DTNB: variants seen among roughly 807,000 people sequenced by gnomAD.
DTNB encodes DTN-B.
A neutral mutation model predicts 90.7 loss-of-function variants in DTNB; 63 were observed. The ratio of observed to expected loss-of-function variants is 0.69; its 90% CI spans 0.57 to 0.86. DTNB has a LOEUF of 0.86. DTNB is among the 40% of genes least tolerant of loss of function. The pLI is 0.00. For missense variants in DTNB, 744 were observed against 807.1 expected, an observed-to-expected ratio of 0.92 and a Z score of 0.95; for synonymous variants, 277 against 286.7, an observed-to-expected ratio of 0.97 and a Z score of 0.34.
chr2:25,526,233 A>G (rs1319601506), intron 9 of DTNB, among the ~76,000 whole-genome samples: 1 of 151,578 alleles, frequency 6.6e-6, no homozygotes, highest in African/African-American at 2.4e-5. Flanking sequence ...ATGCAGCTCC[A>G]TGGGGGAAAC....
intron 2 of DTNB, among the ~76,000 whole-genome samples, chr2:25,647,791 G>A (rs2079842842): frequency 6.7e-6 from 1 of 149,420 alleles, no homozygotes; most frequent in African/African-American, 2.5e-5. Flanking sequence ...AGGAAATAGA[G>A]AACTGATTAT....
intron 9 of DTNB, among the ~76,000 whole-genome samples, chr2:25,493,382 C>A (rs562972396): frequency 2.0e-5 from 3 of 152,272 alleles, no homozygotes; most frequent in East Asian, 1.9e-4. Context: ...TTGAATCAGA[C>A]CTTTTTCTTC....
At chr2:25,625,803 C>T (rs2074012510) in intron 4 of DTNB, among the ~76,000 whole-genome samples, 1 of 152,056 alleles carries the variant, frequency 6.6e-6, no homozygotes, top group African/African-American at 2.4e-5. Flanking sequence ...CTGTGTTCCC[C>T]AAAATTCACA....
intron 1 of DTNB, among the ~76,000 whole-genome samples, chr2:25,671,853 AG>A (rs1447626681): frequency 1.3e-5 from 2 of 152,224 alleles, no homozygotes; most frequent in Non-Finnish European, 2.9e-5. Context: ...CTGGAGCTCC[AG>A]AGTTCAGAGA....
chr2:25,545,398 C>A (rs1269668939), intron 8 of DTNB, among the ~76,000 whole-genome samples: 1 of 152,180 alleles, frequency 6.6e-6, no homozygotes, highest in Non-Finnish European at 1.5e-5. Flanking sequence ...AATAAGCTCA[C>A]CCTTAGCAGG....
chr2:25,650,532 G>T (rs745949163), intron 2 of DTNB, among the ~76,000 whole-genome samples: 1 of 152,228 alleles, frequency 6.6e-6, no homozygotes, highest in Non-Finnish European at 1.5e-5. Context: ...AACACGCAAG[G>T]CATGTGATGG....
chr2:25,555,266 G>A (rs1010215167), intron 8 of DTNB, among the ~76,000 whole-genome samples: 1 of 147,570 alleles, frequency 6.8e-6, no homozygotes, highest in African/African-American at 2.5e-5. Flanking sequence ...ACTCCAGCCT[G>A]GGCGACAGAG....
intron 14 of DTNB, 21 bp downstream of exon 14, chr2:25,432,865 T>C (rs375265325): frequency 4.4e-5 from 69 of 1,574,958 alleles, no homozygotes; most frequent in Non-Finnish European, 5.0e-5. Flanking sequence ...ATGTGGCAAG[T>C]GGTAGAGTGT....
chr2:25,498,691 T>C (rs2069614951), intron 9 of DTNB, among the ~76,000 whole-genome samples: 1 of 148,598 alleles, frequency 6.7e-6, no homozygotes, highest in African/African-American at 2.5e-5. Flanking sequence ...ACAAAAGAAA[T>C]ACAAAAATTA....
At chr2:25,553,265 A>G (rs1457046653) in intron 8 of DTNB, among the ~76,000 whole-genome samples, 1 of 152,182 alleles carries the variant, frequency 6.6e-6, no homozygotes, top group Non-Finnish European at 1.5e-5. Flanking sequence ...TCACTCAACC[A>G]ATATGTTATT....
chr2:25,469,230 G>C (rs1244573528), intron 10 of DTNB, among the ~76,000 whole-genome samples: 1 of 152,128 alleles, frequency 6.6e-6, no homozygotes, highest in African/African-American at 2.4e-5. Context: ...GTTGAAACTT[G>C]GGTGATAAAC....
intron 3 of DTNB, among the ~76,000 whole-genome samples, chr2:25,638,472 T>G (rs2077548265): frequency 1.3e-5 from 2 of 152,188 alleles, no homozygotes; most frequent in South Asian, 4.1e-4. Flanking sequence ...AAAAGTACAA[T>G]AATTCTGTCA....
chr2:25,649,972 T>A, intron 2 of DTNB: 1 of 975,002 alleles, frequency 1.0e-6, no homozygotes, highest in Non-Finnish European at 1.2e-6. Flanking sequence ...TAGTCACCCA[T>A]GCAATTCTTC....
chr2:25,443,675 A>C (rs1452977019), intron 12 of DTNB, among the ~76,000 whole-genome samples: 1 of 152,212 alleles, frequency 6.6e-6, no homozygotes, highest in African/African-American at 2.4e-5. Context: ...TCAAAAATCC[A>C]ATCTGCTGTT....
intron 8 of DTNB, among the ~76,000 whole-genome samples, chr2:25,573,706 T>G (rs945597545): frequency 4.6e-5 from 7 of 152,198 alleles, no homozygotes; most frequent in African/African-American, 1.7e-4. Context: ...ATTTACCAAA[T>G]TGGTTACCAC....
intron 4 of DTNB, among the ~76,000 whole-genome samples, chr2:25,610,404 AAAGT>A (rs145669720): frequency 0.021 from 3,251 of 152,340 alleles, 111 homozygotes; most frequent in African/African-American, 0.072. Context: ...GTGCCAGGAA[AAAGT>A]AAGTAATCTC....
At chr2:25,514,175 T>G (rs1231308857) in intron 9 of DTNB, among the ~76,000 whole-genome samples, 1 of 151,956 alleles carries the variant, frequency 6.6e-6, no homozygotes, top group Non-Finnish European at 1.5e-5. Flanking sequence ...GATAAAAAAG[T>G]TACAGAAAGT....
intron 9 of DTNB, among the ~76,000 whole-genome samples, chr2:25,484,787 G>A (rs905458822): frequency 6.6e-6 from 1 of 152,142 alleles, no homozygotes; most frequent in African/African-American, 2.4e-5. Flanking sequence ...TCAATTCCAA[G>A]TTATTTATCT....
intron 9 of DTNB, among the ~76,000 whole-genome samples, chr2:25,499,008 G>A (rs1474801688): frequency 6.6e-6 from 1 of 151,784 alleles, no homozygotes. Flanking sequence ...CTGAGGTCAG[G>A]AGTTTGAGAC....
Sources: gnomAD v4.1 joint callset for allele counts (sites outside exome capture counted in the v4.1 genomes callset) on GRCh38, gnomAD v4.1.1 for gene constraint, MANE v1.5 for transcripts, NCBI Gene and HGNC (gene_info 2026-07-23, HGNC 2026-07-21) for gene names.